Variants in MAPK6 observed in about 807,000 individuals in gnomAD.
The protein encoded by MAPK6 is mitogen-activated protein kinase 6, also known as ERK-3.
A neutral mutation model predicts 59.3 loss-of-function variants in MAPK6; 19 were observed. That is an observed-to-expected ratio of 0.32 (90% CI 0.22 to 0.47). The LOEUF (loss-of-function observed/expected upper bound fraction) is 0.47. MAPK6 is among the 20% of genes least tolerant of loss of function. The pLI is 1.00. For missense variants in MAPK6, 724 were observed against 847.9 expected (o/e 0.85, Z 1.81); for synonymous variants, 316 against 290.3 (o/e 1.09, Z -0.90).
chr15:51,973,091 C>T (rs149573166), intron 1 of MAPK6, among the ~76,000 whole-genome samples: 252 of 151,746 alleles, frequency 1.7e-3, no homozygotes, highest in African/African-American at 5.9e-3. Context: ...CTTGGACAAG[C>T]AACAATGAAT....
In MAPK6 at chr15:52,064,335, G is replaced by A; in HGVS notation, c.1501G>A (p.Val501Ile). The part of the protein sequence containing the change: ...GKSKCERNGL[V>I]KAQIALEEAS... Reference sequence around the variant, plus strand: ...ATCAAAATGTGAAAGGAATGGATTGGTTAAAGCCCAGATAGCGCTAGAGGA... The same window carrying A: ...ATCAAAATGTGAAAGGAATGGATTGATTAAAGCCCAGATAGCGCTAGAGGA... Residue 501 changes from valine (V) to isoleucine (I), a missense_variant, in exon 6 of 6, where the codon GTT (valine) becomes ATT (isoleucine). This residue lies in a region of MAPK6 where 502 missense variants were observed against 507.6 expected (regional missense o/e 0.99). Coordinates refer to ENST00000261845, the MANE Select transcript of MAPK6 (RefSeq NM_002748.4). 6.2e-7 allele frequency: 1 copy of A among 1,611,252 alleles called. No homozygotes were observed. Among genetic ancestry groups the A allele is most frequent in the South Asian group, 1.1e-5 (1 of 90,818 alleles).
intron 2 of MAPK6, among the ~76,000 whole-genome samples, chr15:51,986,949 T>C (rs2057192764): frequency 6.6e-6 from 1 of 152,192 alleles, no homozygotes; most frequent in Admixed American, 6.6e-5. Flanking sequence ...TGCCAAAAGA[T>C]AATCATCTTA....
intron 1 of MAPK6, among the ~76,000 whole-genome samples, chr15:52,023,120 A>AC (rs1433392326): frequency 1.3e-5 from 2 of 151,286 alleles, no homozygotes; most frequent in African/African-American, 4.9e-5. Context: ...AAAAAAAAAA[A>AC]AAAAAAAACC....
At chr15:51,984,955 G>A (rs532471852) in intron 2 of MAPK6, among the ~76,000 whole-genome samples, 194 of 152,274 alleles carry the variant, frequency 1.3e-3, no homozygotes, top group Non-Finnish European at 2.0e-3. Context: ...CAATGAAATT[G>A]TATCACTACT....
At chr15:52,063,135 C>T (rs554471875) in intron 5 of MAPK6, among the ~76,000 whole-genome samples, 1 of 152,226 alleles carries the variant, frequency 6.6e-6, no homozygotes, top group South Asian at 2.1e-4. Flanking sequence ...TGGTGCCCAT[C>T]TCTCTGCTCA....
chr15:52,016,052 TCGCGCGCG>T (rs376275284), upstream of MAPK6, among the ~76,000 whole-genome samples: 268 of 68,698 alleles, frequency 3.9e-3, 2 homozygotes, highest in Admixed American at 0.015. Flanking sequence ...CCAAACTCCA[TCGCGCGCG>T]CGCGCGCGCG....
At chr15:52,038,863 A>G (rs2031326736) in intron 1 of MAPK6, among the ~76,000 whole-genome samples, 1 of 152,232 alleles carries the variant, frequency 6.6e-6, no homozygotes. Flanking sequence ...CATCTCTCCC[A>G]TTCTGAGCAT....
intron 1 of MAPK6, among the ~76,000 whole-genome samples, chr15:52,023,537 G>C (rs2030628090): frequency 6.6e-6 from 1 of 152,238 alleles, no homozygotes. Flanking sequence ...GCCTAGTCCA[G>C]CATTGATTGG....
Position 51,997,062 on chromosome 15 carries a change from G to A in MAPK6, c.-769-7203G>A, listed in dbSNP as rs369742772. Among the ~76,000 whole-genome samples the A allele has an allele frequency of 3.1e-4, 46 of 150,750 alleles. 5 individuals carry two copies. Among genetic ancestry groups the A allele is most frequent in the Admixed American group, 1.5e-3 (22 of 15,152 alleles). ...TGGCACAATCTCAGCTCACTGCAAC[G>A]TCTGCCTCCCAGGTTCAAGCAATTC... On this transcript the variant is annotated intron_variant, in intron 2 of 7. Coordinates refer to the MAPK6 transcript ENST00000691380.
intron 1 of MAPK6, among the ~76,000 whole-genome samples, chr15:52,020,457 CT>C (rs561016443): frequency 0.021 from 3,117 of 145,408 alleles, 46 homozygotes; most frequent in African/African-American, 0.048. Context: ...TCAGTAATGA[CT>C]TTTTTTTTTT....
At chr15:52,039,951 T>A (rs984051216) in intron 1 of MAPK6, among the ~76,000 whole-genome samples, 7 of 152,196 alleles carry the variant, frequency 4.6e-5, no homozygotes, top group African/African-American at 1.7e-4. Context: ...GTCCCATGTC[T>A]TTTCCCAGGT....
intron 1 of MAPK6, among the ~76,000 whole-genome samples, chr15:51,980,837 C>T (rs1444519083): frequency 1.3e-5 from 2 of 151,350 alleles, no homozygotes; most frequent in East Asian, 3.9e-4. Context: ...GGTGGTCCGC[C>T]CACCTCAGCC....
At chr15:51,974,740 CAG>C (rs2057152705) in intron 1 of MAPK6, among the ~76,000 whole-genome samples, 1 of 147,894 alleles carries the variant, frequency 6.8e-6, no homozygotes, top group Non-Finnish European at 1.5e-5. Flanking sequence ...CCCCGCAAGA[CAG>C]AGTCTTGCTC....
chr15:52,048,988 AT>A (rs1185311952), intron 2 of MAPK6, among the ~76,000 whole-genome samples: 1 of 152,202 alleles, frequency 6.6e-6, no homozygotes, highest in East Asian at 1.9e-4. Flanking sequence ...AATTGACTCC[AT>A]TTCTACATCC....
Position 52,064,950 on chromosome 15 carries a change from C to T in MAPK6, c.2116C>T (p.Pro706Ser), listed in dbSNP as rs780925007. The change falls in exon 6 of 6, where the codon CCT (proline) becomes TCT (serine). Residue 706 changes from proline to serine, a missense_variant. By Grantham distance (74) the Pro-to-Ser change is moderately conservative. Coordinates refer to ENST00000261845, the MANE Select transcript of MAPK6 (RefSeq NM_002748.4). ...TLTPSAMKSS[P>S]QIPHQTYSSI... ...AACACCTTCTGCTATGAAATCTTCC[C>T]CTCAAATTCCTCATCAAACATACAG... 1.2e-6 allele frequency: 2 copies of T among 1,611,480 alleles called. No homozygotes were observed. The highest frequency in any genetic ancestry group is 1.7e-5 in the Admixed American group (1 of 59,982).
exon 1 of MAPK6, chr15:51,971,882 G>C: frequency 1.1e-6 from 1 of 906,246 alleles, no homozygotes; most frequent in Non-Finnish European, 1.8e-6. Flanking sequence ...GTTTTCGCTC[G>C]CCCAGTGAAC....
intron 3 of MAPK6, among the ~76,000 whole-genome samples, chr15:52,057,889 T>C (rs576219567): frequency 6.6e-6 from 1 of 152,378 alleles, no homozygotes; most frequent in Admixed American, 6.5e-5. Flanking sequence ...TATCTGTCTT[T>C]ATCCACAAGA....
chr15:52,042,234 GAACA>G (rs1425605141), intron 1 of MAPK6, among the ~76,000 whole-genome samples: 1 of 152,210 alleles, frequency 6.6e-6, no homozygotes, highest in Non-Finnish European at 1.5e-5. Flanking sequence ...CAGAATCACT[GAACA>G]AGCACTGCCA....
intron 1 of MAPK6, among the ~76,000 whole-genome samples, chr15:52,022,667 T>TA (rs769393712): frequency 1.2e-4 from 18 of 151,746 alleles, no homozygotes; most frequent in Non-Finnish European, 2.4e-4. Flanking sequence ...AATTCAAACT[T>TA]AAAAAAAATT....
Sources: allele counts gnomAD v4.1 joint callset (sites outside exome capture counted in the v4.1 genomes callset), GRCh38; gene constraint gnomAD v4.1.1; regional missense constraint gnomAD v4.1.1; transcripts MANE v1.5; gene names NCBI Gene and HGNC (gene_info 2026-07-23, HGNC 2026-07-21).